Variants in NFS1 observed in about 807,000 individuals in gnomAD.
NFS1 encodes NFS1 cysteine desulfurase.
In NFS1, 26 loss-of-function variants were observed where a neutral mutation model predicts 57.3. The observed-to-expected ratio is 0.45, with a 90% CI of 0.33 to 0.63. The LOEUF (loss-of-function observed/expected upper bound fraction) is 0.63, where lower values mean the gene tolerates loss of function less well. Among genes scored for constraint, NFS1 ranks in the 20% least tolerant of loss-of-function variants. The probability of loss-of-function intolerance (pLI) is 0.02; values close to 1 mark genes in which losing one functional copy is unlikely to be tolerated. For synonymous variants in NFS1, 209 were observed against 216.3 expected, an observed-to-expected ratio of 0.97 and a Z score of 0.30; for missense variants, 505 against 605.8, an observed-to-expected ratio of 0.83 and a Z score of 1.75.
At chr20:35,683,026 G>A (rs573369422) in intron 5 of NFS1, among the ~76,000 whole-genome samples, 4 of 149,602 alleles carry the variant, frequency 2.7e-5, no homozygotes, top group African/African-American at 4.9e-5. Context: ...TGCAGTGAGC[G>A]GAGATCACAC....
intron 5 of NFS1, 95 bp downstream of exon 5, chr20:35,690,318 A>T: frequency 8.4e-7 from 1 of 1,188,662 alleles, no homozygotes; most frequent in Middle Eastern, 2.9e-4. Context: ...TGTTAGATCT[A>T]TTCCTTCAAG....
intron 5 of NFS1, among the ~76,000 whole-genome samples, chr20:35,685,558 T>TTATA (rs35529809): frequency 0.038 from 5,453 of 143,432 alleles, 156 homozygotes; most frequent in African/African-American, 0.058. Flanking sequence ...ATAAAATATT[T>TTATA]TATATATATA....
intron 7 of NFS1, among the ~76,000 whole-genome samples, chr20:35,678,548 A>AAAAG (rs1270491821): frequency 6.8e-6 from 1 of 147,922 alleles, no homozygotes; most frequent in Non-Finnish European, 1.5e-5. Flanking sequence ...AAAAAAAAAA[A>AAAAG]TTAGCCAGGC....
At chr20:35,680,704 A>G (rs1389489767) in intron 7 of NFS1, 33 bp downstream of exon 7, 1 of 1,472,286 alleles carries the variant, frequency 6.8e-7, no homozygotes, top group Non-Finnish European at 9.0e-7. Flanking sequence ...GCTGGAAGGT[A>G]CAGAGAGAAG....
rs1220197987 is a variant in NFS1 at position 35,698,068 on chromosome 20, C to T, written c.208-268G>A. 4.6e-5 allele frequency among the ~76,000 whole-genome samples: 7 copies of T among 152,216 alleles called. No homozygotes were observed. The East Asian group carries it at 1.3e-3, about 29-fold the overall frequency. ...TGCCTTGTTCCGACATCTGTTTCTG[C>T]TGGTGTTTCCATTCCTGCCAGGTAA... On this transcript the variant is annotated intron_variant, in intron 2 of 12. Transcript: ENST00000374092.
intron 7 of NFS1, among the ~76,000 whole-genome samples, chr20:35,677,466 G>A (rs563700964): frequency 6.6e-6 from 1 of 152,194 alleles, no homozygotes; most frequent in African/African-American, 2.4e-5. Flanking sequence ...AGCCTAGGAG[G>A]TCGAGGCTGC....
chr20:35,694,244 A>T (rs1276814171), intron 4 of NFS1, among the ~76,000 whole-genome samples: 1 of 151,190 alleles, frequency 6.6e-6, no homozygotes, highest in African/African-American at 2.4e-5. Flanking sequence ...TCCTGGGTTC[A>T]ACTGATTCTC....
At position 35,699,081 on chromosome 20, in the gene NFS1, G is replaced by A; in HGVS notation, c.97+111C>T. The A allele has an allele frequency of 2.2e-6, 3 of 1,337,126 alleles. No individual in the cohort carries two copies. Among genetic ancestry groups the A allele is most frequent in the South Asian group, 2.0e-5 (1 of 51,144 alleles). The allele number at this position is 1,337,126 out of a possible 1,614,324, so 82.8% of individuals were successfully genotyped here. ...TGAGGGATGTGTCATTTGAGAGAAGGGTCAGAGGGTCTGGGCAGCAGGGTG... is the reference window on the plus strand; with the variant it reads ...TGAGGGATGTGTCATTTGAGAGAAGAGTCAGAGGGTCTGGGCAGCAGGGTG... On this transcript the variant is annotated intron_variant, in intron 1 of 12. Transcript: ENST00000374092. This position sits in a 1 kb window ranked among gnomAD's most constrained non-coding sequence, Gnocchi z 4.4.
chr20:35,698,501 C>A lies in NFS1; in HGVS notation c.187G>T (p.Val63Leu), dbSNP rs750753717. Reference protein sequence around the residue: ...GPVLRPLYMDVQATTPLDPRV... With the variant: ...GPVLRPLYMDLQATTPLDPRV... ...CTTACCAGAGGAGTTGTAGCTTGCA[C>A]ATCCATATAGAGAGGTCGCAGCACT... The change falls in exon 2 of 13, where the codon GTG (valine) becomes TTG (leucine). Residue 63 changes from valine (V) to leucine (L), a missense_variant. Transcript: ENST00000374092. 6.2e-7 allele frequency: 1 copy of A among 1,612,390 alleles called. No individual in the cohort carries two copies. Among genetic ancestry groups the A allele is most frequent in the Non-Finnish European group, 8.5e-7 (1 of 1,179,344 alleles).
intron 5 of NFS1, among the ~76,000 whole-genome samples, chr20:35,685,197 T>C (rs1033154554): frequency 1.3e-5 from 2 of 151,812 alleles, no homozygotes; most frequent in African/African-American, 4.9e-5. Flanking sequence ...AGGGAGACCC[T>C]GTCTCTACAA....
intron 5 of NFS1, among the ~76,000 whole-genome samples, chr20:35,687,024 C>T (rs138380678): frequency 6.6e-6 from 1 of 152,188 alleles, no homozygotes; most frequent in Non-Finnish European, 1.5e-5. Flanking sequence ...GACAGGGCCA[C>T]CAGAGGGCTC....
chr20:35,689,845 G>A (rs1053396501), intron 5 of NFS1, among the ~76,000 whole-genome samples: 6 of 151,106 alleles, frequency 4.0e-5, no homozygotes, highest in Non-Finnish European at 1.5e-5. Flanking sequence ...GGCTGAGGCA[G>A]GAGAATCACT....
chr20:35,694,346 T>C (rs1358833592), intron 4 of NFS1, among the ~76,000 whole-genome samples: 1 of 152,080 alleles, frequency 6.6e-6, no homozygotes, highest in Non-Finnish European at 1.5e-5. Flanking sequence ...GGTTTTACCA[T>C]GTTGGTCAGG....
chr20:35,671,073 G>A (rs1356817732), intron 12 of NFS1, among the ~76,000 whole-genome samples: 1 of 152,204 alleles, frequency 6.6e-6, no homozygotes, highest in Non-Finnish European at 1.5e-5. Context: ...GGTGCCAGCT[G>A]ACTGGCCAAG....
At chr20:35,673,997 G>A (rs1232661686) in intron 10 of NFS1, 4 of 444,986 alleles carry the variant, frequency 9.0e-6, no homozygotes, top group Admixed American at 3.5e-5. Context: ...TCCCCAGGAC[G>A]TAATGCACCA....
intron 7 of NFS1, among the ~76,000 whole-genome samples, chr20:35,679,375 G>A (rs1403965717): frequency 6.6e-6 from 1 of 151,980 alleles, no homozygotes; most frequent in Non-Finnish European, 1.5e-5. Context: ...GTAGAGACGG[G>A]GGTTCACCAT....
At chr20:35,671,832 G>A (rs1336840397) in intron 12 of NFS1, among the ~76,000 whole-genome samples, 1 of 151,342 alleles carries the variant, frequency 6.6e-6, no homozygotes, top group African/African-American at 2.4e-5. Flanking sequence ...ACAAGTTGCA[G>A]TGAGGTGTGA....
rs368971883 is a variant in NFS1 at position 35,672,750 on chromosome 20, T to C, written c.1310+5A>G. On this transcript the variant is annotated splice_donor_5th_base_variant and intron_variant, in intron 12 of 12. Transcript: ENST00000374092. ...TCCAAAGCGTCTCTGATACAATATG[T>C]ATACCTCATTTCTCGAAGACGCTTC... 1.6e-4 allele frequency: 249 copies of C among 1,585,638 alleles called. 1 individual carries two copies. Among genetic ancestry groups the C allele is most frequent in the Non-Finnish European group, 9.7e-5 (112 of 1,154,070 alleles).
intron 5 of NFS1, among the ~76,000 whole-genome samples, chr20:35,683,807 A>G (rs1170885157): frequency 2.7e-5 from 4 of 149,994 alleles, no homozygotes. Context: ...AAAAAAAAAA[A>G]AAAAAGAAAG....
Sources: allele counts gnomAD v4.1 joint callset (sites outside exome capture counted in the v4.1 genomes callset), GRCh38; gene constraint gnomAD v4.1.1; non-coding constraint Gnocchi (gnomAD v3.1); transcripts MANE v1.5; gene names NCBI Gene and HGNC (gene_info 2026-07-23, HGNC 2026-07-21).